Variants in CDH18 observed in about 807,000 individuals in gnomAD.
CDH18 encodes the protein cadherin 18.
In CDH18, 31 loss-of-function variants were observed where a neutral mutation model predicts 67.9. The ratio of observed to expected loss-of-function variants is 0.46; its 90% CI spans 0.34 to 0.62. The LOEUF is 0.62. Ranked by LOEUF, CDH18 falls within the 20% of genes least tolerant of loss-of-function variation. The pLI is 0.01. For missense variants in CDH18, 890 were observed against 975.5 expected (o/e 0.91, Z 1.17); for synonymous variants, 362 against 347.2 (o/e 1.04, Z -0.48).
intron 2 of CDH18, among the ~76,000 whole-genome samples, chr5:20,167,526 G>T (rs188939105): frequency 1.2e-4 from 19 of 152,074 alleles, no homozygotes; most frequent in African/African-American, 2.2e-4. Context: ...AAATAAAAGA[G>T]AACTATCTTG....
At position 20,006,150 on chromosome 5, in the gene CDH18, G is replaced by A. The variant is rs184726849; in HGVS notation, c.-517-14136C>T. Among the ~76,000 whole-genome samples the A allele has an allele frequency of 3.0e-3, 451 of 151,846 alleles. 1 individual carries two copies. The highest frequency in any genetic ancestry group is 4.4e-3 in the Non-Finnish European group (297 of 67,830). On this transcript the variant is annotated intron_variant, in intron 2 of 14. Transcript: ENST00000507958. ...ATTTCATTATTTTTGTTAAAAGTAC[G>A]GCATCAACAGATAACAACTTGATTG...
chr5:20,476,546 C>T (rs1030664425), intron 1 of CDH18, among the ~76,000 whole-genome samples: 1 of 152,096 alleles, frequency 6.6e-6, no homozygotes, highest in African/African-American at 2.4e-5. Flanking sequence ...CTGAAAGAAT[C>T]CTAATTCAAT....
At chr5:19,495,186 G>A (rs1742080337) in intron 11 of CDH18, among the ~76,000 whole-genome samples, 1 of 152,044 alleles carries the variant, frequency 6.6e-6, no homozygotes, top group East Asian at 1.9e-4. Context: ...ATGAGATGGG[G>A]TTCTAACCCA....
intron 7 of CDH18, among the ~76,000 whole-genome samples, chr5:19,572,162 C>T (rs550674756): frequency 1.3e-5 from 2 of 152,228 alleles, no homozygotes; most frequent in East Asian, 3.9e-4. Flanking sequence ...CAGATAAGAA[C>T]TAAACATTTG....
chr5:19,814,967 G>C (rs1037801780), intron 3 of CDH18, among the ~76,000 whole-genome samples: 7 of 151,724 alleles, frequency 4.6e-5, no homozygotes, highest in Non-Finnish European at 1.0e-4. Context: ...AATGTGTATT[G>C]CTGAACTTTA....
chr5:20,532,927 C>CAAACACAA (rs1756505045), intron 1 of CDH18, among the ~76,000 whole-genome samples: 1 of 151,308 alleles, frequency 6.6e-6, no homozygotes, highest in African/African-American at 2.4e-5. Flanking sequence ...GAAACTCCCT[C>CAAACACAA]GTACAGTTTG....
intron 8 of CDH18, among the ~76,000 whole-genome samples, chr5:19,547,577 T>G (rs1257931992): frequency 6.6e-6 from 1 of 152,220 alleles, no homozygotes; most frequent in African/African-American, 2.4e-5. Context: ...TTTTAGCCAC[T>G]TCACACTGGG....
intron 2 of CDH18, among the ~76,000 whole-genome samples, chr5:19,960,443 C>T (rs376580808): frequency 2.6e-5 from 4 of 151,354 alleles, no homozygotes; most frequent in African/African-American, 9.7e-5. Flanking sequence ...CCCATTAAAA[C>T]GTCTTCAGGG....
intron 2 of CDH18, among the ~76,000 whole-genome samples, chr5:20,098,023 T>C (rs1249266347): frequency 1.3e-5 from 2 of 152,002 alleles, no homozygotes; most frequent in Non-Finnish European, 2.9e-5. Flanking sequence ...GTTTTAATTG[T>C]ATTTCTATTT....
At chr5:19,527,229 T>G (rs886308978) in intron 9 of CDH18, among the ~76,000 whole-genome samples, 1 of 151,842 alleles carries the variant, frequency 6.6e-6, no homozygotes, top group Non-Finnish European at 1.5e-5. Flanking sequence ...TTGTTTGATT[T>G]GAAATGAGAG....
At chr5:20,202,716 A>G (rs1341394740) in intron 2 of CDH18, among the ~76,000 whole-genome samples, 2 of 151,584 alleles carry the variant, frequency 1.3e-5, no homozygotes, top group African/African-American at 2.4e-5. Context: ...TATTGTTACT[A>G]CTTTTATATT....
rs1342274554 is a variant in CDH18, at chr5:19,472,071, G to A, written c.*1155C>T. The stretch of plus-strand genomic sequence containing the variant: ...CTGTGAATCTCCTTTTTTGCTCCTA[G>A]TCCTACACATTTTCCTGTTGATACC... On this transcript the variant is annotated 3_prime_UTR_variant, in exon 13 of 13. Coordinates refer to ENST00000382275, the MANE Select transcript of CDH18 (RefSeq NM_004934.5). Among the ~76,000 whole-genome samples, 1 of 152,004 alleles carries A rather than the reference G, an allele frequency of 6.6e-6. No homozygotes were observed. Among genetic ancestry groups the A allele is most frequent in the Non-Finnish European group, 1.5e-5 (1 of 67,974 alleles).
intron 2 of CDH18, among the ~76,000 whole-genome samples, chr5:20,076,348 C>G (rs1434271844): frequency 6.6e-6 from 1 of 151,910 alleles, no homozygotes. Flanking sequence ...ACCTTGAATA[C>G]TAAAAGTAAC....
chr5:20,396,473 T>C (rs1046733122), intron 1 of CDH18, among the ~76,000 whole-genome samples: 1 of 151,930 alleles, frequency 6.6e-6, no homozygotes. Context: ...TGATAACTGC[T>C]TATCATTAAG....
intron 2 of CDH18, among the ~76,000 whole-genome samples, chr5:20,020,927 C>T (rs760483204): frequency 1.1e-4 from 17 of 152,026 alleles, no homozygotes; most frequent in Admixed American, 7.2e-4. Context: ...CTGAAAAAGT[C>T]GCAGACATTG....
intron 2 of CDH18, among the ~76,000 whole-genome samples, chr5:20,173,504 C>T (rs1319011173): frequency 1.3e-5 from 2 of 152,060 alleles, no homozygotes; most frequent in African/African-American, 4.8e-5. Context: ...CTGAGAAAGT[C>T]TGAAGGGGCT....
At chr5:19,900,941 A>T (rs1789880478) in intron 2 of CDH18, among the ~76,000 whole-genome samples, 1 of 152,142 alleles carries the variant, frequency 6.6e-6, no homozygotes, top group Non-Finnish European at 1.5e-5. Context: ...GGAAAAAATT[A>T]ACAACTTAGG....
chr5:20,283,230 G>A (rs1746424017), intron 1 of CDH18, among the ~76,000 whole-genome samples: 2 of 152,018 alleles, frequency 1.3e-5, no homozygotes, highest in South Asian at 4.1e-4. Flanking sequence ...ACAAGCCTAG[G>A]CAACCAAAGC....
intron 2 of CDH18, among the ~76,000 whole-genome samples, chr5:20,240,753 T>C (rs1465970491): frequency 6.6e-6 from 1 of 152,210 alleles, no homozygotes; most frequent in Non-Finnish European, 1.5e-5. Flanking sequence ...GCACTGAGGA[T>C]GTATAATCTA....
Sources: gnomAD v4.1 joint callset for allele counts (sites outside exome capture counted in the v4.1 genomes callset) on GRCh38, gnomAD v4.1.1 for gene constraint, MANE v1.5 for transcripts, NCBI Gene and HGNC (gene_info 2026-07-23, HGNC 2026-07-21) for gene names.